The following PRKG1 variants were observed in gnomAD, a reference collection of about 807,000 sequenced individuals.
PRKG1 encodes cGMP-dependent protein kinase 1.
In PRKG1, 35 loss-of-function variants were observed where a neutral mutation model predicts 88.1. The ratio of observed to expected loss-of-function variants is 0.40; its 90% CI spans 0.30 to 0.53. The LOEUF is 0.53. PRKG1 is among the 20% of genes least tolerant of loss of function. PRKG1 has a pLI of 0.59. For missense variants in PRKG1, 540 were observed against 839.8 expected, an observed-to-expected ratio of 0.64 and a Z score of 4.41; for synonymous variants, 303 against 292.5, an observed-to-expected ratio of 1.04 and a Z score of -0.37.
chr10:51,259,975 AT>A (rs1230438179), intron 2 of PRKG1, among the ~76,000 whole-genome samples: 6 of 152,262 alleles, frequency 3.9e-5, no homozygotes, highest in Admixed American at 2.0e-4. Context: ...AATCTAAAAT[AT>A]AGTACATTTC....
intron 9 of PRKG1, among the ~76,000 whole-genome samples, chr10:52,213,887 T>G (rs1020861244): frequency 6.6e-6 from 1 of 152,208 alleles, no homozygotes; most frequent in Non-Finnish European, 1.5e-5. Context: ...ACGTAACACA[T>G]CCTTGATATT....
At chr10:51,428,634 G>T (rs1838665393) in intron 2 of PRKG1, among the ~76,000 whole-genome samples, 1 of 152,098 alleles carries the variant, frequency 6.6e-6, no homozygotes, top group South Asian at 2.1e-4. Flanking sequence ...TTTTGCCTGG[G>T]GCTTCTTTTA....
intron 3 of PRKG1, among the ~76,000 whole-genome samples, chr10:51,517,243 A>G (rs1841614104): frequency 6.6e-6 from 1 of 152,230 alleles, no homozygotes; most frequent in African/African-American, 2.4e-5. Flanking sequence ...ATGTGGTAGG[A>G]CAAATGGGTT....
chr10:51,031,363 A>G (rs1265822862), intron 1 of PRKG1, among the ~76,000 whole-genome samples: 2 of 152,200 alleles, frequency 1.3e-5, no homozygotes, highest in African/African-American at 2.4e-5. Flanking sequence ...CTGGAGGACA[A>G]GCCACTTTTC....
At chr10:52,004,253 T>C (rs976685709) in intron 5 of PRKG1, among the ~76,000 whole-genome samples, 1 of 152,202 alleles carries the variant, frequency 6.6e-6, no homozygotes, top group African/African-American at 2.4e-5. Flanking sequence ...TTTTTAATTA[T>C]ATTTTCAAAT....
At chr10:51,280,652 C>T (rs1052045848) in intron 2 of PRKG1, among the ~76,000 whole-genome samples, 1 of 152,200 alleles carries the variant, frequency 6.6e-6, no homozygotes, top group Non-Finnish European at 1.5e-5. Flanking sequence ...TCCAGTTGAT[C>T]CAATTGGCTA....
intron 2 of PRKG1, among the ~76,000 whole-genome samples, chr10:51,182,592 G>T (rs1837376065): frequency 6.6e-6 from 1 of 152,180 alleles, no homozygotes; most frequent in Non-Finnish European, 1.5e-5. Context: ...AGTGGGTAAT[G>T]AGACCCAGCT....
intron 1 of PRKG1, among the ~76,000 whole-genome samples, chr10:51,151,728 A>G (rs1204394072): frequency 6.6e-6 from 1 of 151,976 alleles, no homozygotes. Flanking sequence ...CCACTCTAGG[A>G]TTATTCTTCA....
chr10:51,832,651 C>A (rs1440167156), intron 4 of PRKG1, among the ~76,000 whole-genome samples: 2 of 152,010 alleles, frequency 1.3e-5, no homozygotes, highest in Non-Finnish European at 2.9e-5. Context: ...GGAGAAAAAG[C>A]ATGTACATTT....
chr10:51,848,616 A>C (rs1840463628), intron 4 of PRKG1, among the ~76,000 whole-genome samples: 1 of 149,088 alleles, frequency 6.7e-6, no homozygotes, highest in Non-Finnish European at 1.5e-5. Context: ...AGTTCCATTA[A>C]TTCTGTGTGT....
chr10:52,081,525 C>T (rs1846774932), intron 7 of PRKG1: 2 of 452,640 alleles, frequency 4.4e-6, no homozygotes, highest in South Asian at 3.1e-5. Flanking sequence ...GGTAGGAATT[C>T]TATAACATAT....
chr10:52,178,277 A>G (rs1054967057), intron 9 of PRKG1, among the ~76,000 whole-genome samples: 34 of 152,074 alleles, frequency 2.2e-4, no homozygotes, highest in Non-Finnish European at 4.3e-4. Context: ...GTCATTCAGT[A>G]GGATGTGGTT....
chr10:51,780,240 T>C (rs943108064), intron 3 of PRKG1, among the ~76,000 whole-genome samples: 1 of 152,024 alleles, frequency 6.6e-6, no homozygotes, highest in Non-Finnish European at 1.5e-5. Flanking sequence ...CTGAGCATCA[T>C]AGTGGGAGAT....
intron 3 of PRKG1, among the ~76,000 whole-genome samples, chr10:51,646,133 A>G (rs1020646275): frequency 3.3e-5 from 5 of 152,156 alleles, no homozygotes; most frequent in African/African-American, 1.2e-4. Context: ...AGGCAGATCT[A>G]TGCTATGGAA....
intron 3 of PRKG1, among the ~76,000 whole-genome samples, chr10:51,491,144 A>G (rs576019925): frequency 1.5e-4 from 23 of 152,086 alleles, no homozygotes; most frequent in Non-Finnish European, 2.9e-4. Flanking sequence ...AGTCAAGGAT[A>G]AATCTGATGA....
At chr10:51,720,395 C>G (rs1434683766) in intron 3 of PRKG1, among the ~76,000 whole-genome samples, 1 of 152,206 alleles carries the variant, frequency 6.6e-6, no homozygotes, top group Non-Finnish European at 1.5e-5. Flanking sequence ...CACTATCTTA[C>G]TATCTTGCTA....
intron 3 of PRKG1, among the ~76,000 whole-genome samples, chr10:51,609,385 T>C (rs1838846346): frequency 6.6e-6 from 1 of 152,182 alleles, no homozygotes; most frequent in Admixed American, 6.5e-5. Context: ...TTTACACTTT[T>C]GGTGAGAATG....
At chr10:51,085,335 C>G (rs1210880231) in intron 1 of PRKG1, among the ~76,000 whole-genome samples, 1 of 152,124 alleles carries the variant, frequency 6.6e-6, no homozygotes, top group African/African-American at 2.4e-5. Context: ...GTCACCATAT[C>G]CTTCACAGAG....
At chr10:51,772,847 A>G (rs1048456121) in intron 3 of PRKG1, among the ~76,000 whole-genome samples, 4 of 152,116 alleles carry the variant, frequency 2.6e-5, no homozygotes, top group African/African-American at 9.6e-5. Flanking sequence ...TGATGGCTAA[A>G]ACTTCCTTTT....
Sources: gnomAD v4.1 joint callset for allele counts (sites outside exome capture counted in the v4.1 genomes callset) on GRCh38, gnomAD v4.1.1 for gene constraint, MANE v1.5 for transcripts, NCBI Gene and HGNC (gene_info 2026-07-23, HGNC 2026-07-21) for gene names.